BICRAL: variants seen among roughly 807,000 people sequenced by gnomAD.
The protein encoded by BICRAL is BRD4-interacting chromatin-remodeling complex-associated protein-like.
In BICRAL, 8 loss-of-function variants were observed where a neutral mutation model predicts 91.8. The ratio of observed to expected loss-of-function variants is 0.09; its 90% CI spans 0.05 to 0.16. The LOEUF is 0.16. BICRAL is among the 10% of genes least tolerant of loss of function. The probability of loss-of-function intolerance (pLI) is 1.00; values close to 1 mark genes in which losing one functional copy is unlikely to be tolerated. For missense variants in BICRAL, 1,038 were observed against 1,310.9 expected (o/e 0.79, Z 3.21); for synonymous variants, 445 against 491.1 (o/e 0.91, Z 1.24).
chr6:42,855,280 C>T (rs959602889), intron 8 of BICRAL, among the ~76,000 whole-genome samples: 1 of 152,204 alleles, frequency 6.6e-6, no homozygotes, highest in Non-Finnish European at 1.5e-5. Flanking sequence ...GTGGCTCACA[C>T]CTGTAATCCC....
upstream of BICRAL, among the ~76,000 whole-genome samples, chr6:42,777,213 T>C (rs866550087): frequency 3.9e-5 from 6 of 152,230 alleles, no homozygotes; most frequent in African/African-American, 9.7e-5. Flanking sequence ...GTTGAATGTA[T>C]TGAACTCTCA....
Position 42,865,314 on chromosome 6 carries a change from A to T in BICRAL, c.3108A>T (p.Leu1036Phe). The T allele has an allele frequency of 6.2e-7, 1 of 1,614,130 alleles. No individual in the cohort carries two copies. Among genetic ancestry groups the T allele is most frequent in the Non-Finnish European group, 8.5e-7 (1 of 1,179,990 alleles). The part of the protein sequence containing the change: ...SDPTVSGSVE[L>F]DFPNFSPMAS... ...CCACGGTTAGCGGCTCTGTTGAGTTAGATTTCCCCAACTTTTCTCCTATGG... is the reference window on the plus strand; with the variant it reads ...CCACGGTTAGCGGCTCTGTTGAGTTTGATTTCCCCAACTTTTCTCCTATGG... Residue 1036 changes from leucine (L) to phenylalanine (F), a missense_variant, in exon 13 of 13, where the codon TTA becomes TTT. Transcript: ENST00000314073.
chr6:42,788,986 G>C (rs1049221672), intron 1 of BICRAL, among the ~76,000 whole-genome samples: 2 of 152,174 alleles, frequency 1.3e-5, no homozygotes, highest in African/African-American at 4.8e-5. Flanking sequence ...TTGCCCTGCA[G>C]GTTTGACAGA....
At chr6:42,762,083 C>T (rs762827093) in intron 1 of BICRAL, among the ~76,000 whole-genome samples, 3 of 152,114 alleles carry the variant, frequency 2.0e-5, no homozygotes, top group Non-Finnish European at 2.9e-5. Context: ...TGTTCTTTTG[C>T]AGTTCCCAGT....
At chr6:42,795,394 G>A (rs1337239580) in intron 1 of BICRAL, among the ~76,000 whole-genome samples, 2 of 152,184 alleles carry the variant, frequency 1.3e-5, no homozygotes. Flanking sequence ...TCGTGCCACT[G>A]CACTCCAGCC....
chr6:42,814,342 T>C, intron 2 of BICRAL, among the ~76,000 whole-genome samples: 1 of 144,450 alleles, frequency 6.9e-6, no homozygotes, highest in East Asian at 2.0e-4. Context: ...TCAAGCCATC[T>C]TCACTAGGCT....
chr6:42,855,969 C>T (rs748914836), intron 9 of BICRAL, 52 bp downstream of exon 9: 49 of 1,372,364 alleles, frequency 3.6e-5, no homozygotes, highest in Non-Finnish European at 4.8e-5. Flanking sequence ...CTTTGGGTCC[C>T]TAGCCTTCAA....
chr6:42,857,802 A>ATTTTTT (rs1161596399), intron 10 of BICRAL, among the ~76,000 whole-genome samples: 45 of 73,666 alleles, frequency 6.1e-4, no homozygotes, highest in Non-Finnish European at 6.9e-4. Flanking sequence ...CATACCCTGA[A>ATTTTTT]TTTTTTTTTT....
At position 42,825,217 on chromosome 6, in the gene BICRAL, G is replaced by A. The variant is rs142018641; in HGVS notation, c.159+2214G>A. Among the ~76,000 whole-genome samples the A allele has an allele frequency of 6.2e-3, 864 of 139,354 alleles. 10 individuals carry two copies. Among genetic ancestry groups the A allele is most frequent in the African/African-American group, 0.023 (830 of 36,204 alleles). The allele number at this position is 139,354 out of a possible 152,430, so 91.4% of individuals were successfully genotyped here. A position where few individuals can be genotyped will look rare whatever the true frequency, so the allele number is the denominator to read the frequency against. On this transcript the variant is annotated intron_variant, in intron 5 of 12. Transcript: ENST00000314073. ...GGAGGTTACAGTGAGCCAAGATCAC[G>A]CCACTGCACTCCAGCCTGGGCGACA... is the stretch of plus-strand genomic sequence containing the variant.
chr6:42,852,532 C>T (rs1025754313), intron 7 of BICRAL: 2 of 406,132 alleles, frequency 4.9e-6, no homozygotes, highest in South Asian at 1.9e-5. Flanking sequence ...CATGGTGGCA[C>T]ACGCCCGTAA....
chr6:42,771,602 ACT>A (rs1762736878), intron 1 of BICRAL, among the ~76,000 whole-genome samples: 1 of 151,398 alleles, frequency 6.6e-6, no homozygotes, highest in Admixed American at 6.6e-5. Flanking sequence ...CCACATTTGC[ACT>A]CTCTTGGCTA....
chr6:42,775,654 A>T (rs1296484296), intron 1 of BICRAL, among the ~76,000 whole-genome samples: 1 of 152,108 alleles, frequency 6.6e-6, no homozygotes, highest in African/African-American at 2.4e-5. Flanking sequence ...GGAGTGCTGA[A>T]TGCTTTTTTT....
intron 1 of BICRAL, among the ~76,000 whole-genome samples, chr6:42,771,678 A>C (rs1762738244): frequency 6.6e-6 from 1 of 151,930 alleles, no homozygotes; most frequent in South Asian, 2.1e-4. Flanking sequence ...TGAGGGAGAG[A>C]ATAATTAACA....
chr6:42,857,614 A>AAAT lies in BICRAL; in HGVS notation c.2254+379_2254+380insATA. On this transcript the variant is annotated intron_variant, in intron 10 of 12. Coordinates refer to ENST00000314073, the MANE Select transcript of BICRAL (RefSeq NM_001393499.1). ...ACACTGTCTCTTAAAAAAAAAAAAA[A>AAAT]ATATATATATATATATATATATTTT... Among the ~76,000 whole-genome samples, 179 of 96,222 alleles carry AAAT rather than the reference A, an allele frequency of 1.9e-3. 2 individuals are homozygous for AAAT. Among genetic ancestry groups the AAAT allele is most frequent in the Middle Eastern group, 0.013 (2 of 158 alleles). 63.1% of individuals were successfully genotyped at this position (96,222 alleles called of 152,430 possible). A position where few individuals can be genotyped will look rare whatever the true frequency, so the allele number is the denominator to read the frequency against.
At chr6:42,779,052 T>C (rs899247842), upstream of BICRAL, among the ~76,000 whole-genome samples, 3 of 151,596 alleles carry the variant, frequency 2.0e-5, no homozygotes, top group East Asian at 5.8e-4. Flanking sequence ...GACCCGTCTC[T>C]AAAAAACTAA....
chr6:42,845,193 G>GTGTTTTT (rs1764960527), intron 6 of BICRAL, among the ~76,000 whole-genome samples: 2 of 34,176 alleles, frequency 5.9e-5, no homozygotes, highest in East Asian at 1.8e-3. Context: ...TGTTTTTTGG[G>GTGTTTTT]TGTTTTTTTT....
At chr6:42,857,356 C>A in intron 10 of BICRAL, 120 bp downstream of exon 10, 2 of 759,328 alleles carry the variant, frequency 2.6e-6, no homozygotes, top group Non-Finnish European at 4.3e-6. Flanking sequence ...TTTTTAATCA[C>A]AGACCAAACT....
In BICRAL at chr6:42,804,012, TTG is replaced by T. The variant is rs370847378; in HGVS notation, c.-101-6290_-101-6289del. ...ACAATATAGTTTTTTGTTATTGTTGTTGTGTTTGTTTGTTTGTTTGTTTTTTT... is the reference window on the plus strand; with the variant it reads ...ACAATATAGTTTTTTGTTATTGTTGTTGTTTGTTTGTTTGTTTGTTTTTTT... On this transcript the variant is annotated intron_variant, in intron 1 of 12. Transcript: ENST00000314073. Among the ~76,000 whole-genome samples, 500 of 152,204 alleles carry T rather than the reference TTG, an allele frequency of 3.3e-3. 2 individuals are homozygous for T. The highest frequency in any genetic ancestry group is 0.012 in the African/African-American group (478 of 41,534).
At position 42,829,254 on chromosome 6, in the gene BICRAL, TAAA is replaced by T; in HGVS notation, c.922_924del (p.Lys308del). ...AAAGGGGTCTTGCACCAAATTCAAA[TAAA>T]GTCCCAATTAATATACAGCCAAAGC... On this transcript the variant is annotated inframe_deletion, in exon 6 of 13. Transcript: ENST00000314073. 1 of 1,614,148 alleles carries T rather than the reference TAAA, an allele frequency of 6.2e-7. No individual in the cohort carries two copies. The highest frequency in any genetic ancestry group is 2.2e-5 in the East Asian group (1 of 44,878).
Sources: gnomAD v4.1 joint callset for allele counts (sites outside exome capture counted in the v4.1 genomes callset) on GRCh38, gnomAD v4.1.1 for gene constraint, MANE v1.5 for transcripts, NCBI Gene and HGNC (gene_info 2026-07-23, HGNC 2026-07-21) for gene names.